Variants in DAB2IP observed in about 807,000 individuals in gnomAD.
DAB2IP encodes disabled homolog 2-interacting protein.
Under a neutral mutation model 107.2 loss-of-function variants are expected in DAB2IP, and 28 were observed. The ratio of observed to expected loss-of-function variants is 0.26; its 90% CI spans 0.19 to 0.36. The LOEUF (loss-of-function observed/expected upper bound fraction) is 0.36, where lower values mean the gene tolerates loss of function less well. Among genes scored for constraint, DAB2IP ranks in the 10% least tolerant of loss-of-function variants. DAB2IP has a pLI of 1.00. For missense variants in DAB2IP, 1,400 were observed against 1,644.7 expected (o/e 0.85, Z 2.57); for synonymous variants, 755 against 706.4 (o/e 1.07, Z -1.09).
At chr9:121,677,441 G>A (rs755061778) in intron 1 of DAB2IP, among the ~76,000 whole-genome samples, 9 of 152,232 alleles carry the variant, frequency 5.9e-5, no homozygotes, top group East Asian at 1.9e-4. Context: ...AGGATTGCTC[G>A]AGCCTAGGAG....
At position 121,604,449 on chromosome 9, in the gene DAB2IP, C is replaced by G. The variant is rs552661308; in HGVS notation, c.40+37221C>G. 5.9e-5 allele frequency among the ~76,000 whole-genome samples: 9 copies of G among 152,350 alleles called. No homozygotes were observed. The South Asian group carries it at 1.5e-3, about 25-fold the overall frequency. On this transcript the variant is annotated intron_variant, in intron 1 of 16. Transcript: ENST00000259371. ...CATGTGAGTGACTTCCTGTTAACCA[C>G]GAGATCAAAGCCAAGCTCCCTGGCC...
rs942542332 is a variant in DAB2IP, at chr9:121,735,845, G to A, written c.363-21168G>A. On this transcript the variant is annotated intron_variant, in intron 3 of 15. Transcript: ENST00000408936. ...CTTTCCCCTAGGGGTTTTTGTTTCCGTGTTTAAATGACCCAAGGATGAATC... is the reference window on the plus strand; with the variant it reads ...CTTTCCCCTAGGGGTTTTTGTTTCCATGTTTAAATGACCCAAGGATGAATC... 7.2e-5 allele frequency among the ~76,000 whole-genome samples: 11 copies of A among 152,204 alleles called. No individual in the cohort carries two copies. The East Asian group carries it at 1.9e-3, about 27-fold the overall frequency.
intron 3 of DAB2IP, among the ~76,000 whole-genome samples, chr9:121,720,092 C>T (rs542432761): frequency 6.1e-4 from 93 of 152,354 alleles, no homozygotes; most frequent in Admixed American, 2.2e-3. Flanking sequence ...AGGCAGCCTA[C>T]AGCTGGGCAG....
chr9:121,783,383 A>T, exon 16 of DAB2IP: 1 of 1,543,756 alleles, frequency 6.5e-7, no homozygotes, highest in South Asian at 1.2e-5. Context: ...GGGGCCCAGC[A>T]CACCCAGGGC....
At chr9:121,689,190 A>C (rs572883879) in intron 2 of DAB2IP, among the ~76,000 whole-genome samples, 7 of 151,962 alleles carry the variant, frequency 4.6e-5, no homozygotes, top group African/African-American at 1.7e-4. Context: ...GCTACTATGG[A>C]GGCTGAGGCA....
chr9:121,750,376 TTG>T (rs1833029576), intron 3 of DAB2IP, among the ~76,000 whole-genome samples: 1 of 152,264 alleles, frequency 6.6e-6, no homozygotes, highest in Admixed American at 6.5e-5. Flanking sequence ...CTGCCTGCCT[TTG>T]TGTACTGCCC....
intron 2 of DAB2IP, among the ~76,000 whole-genome samples, chr9:121,685,386 A>G (rs985718350): frequency 2.1e-4 from 32 of 152,162 alleles, no homozygotes; most frequent in African/African-American, 7.2e-4. Context: ...AGCCTCCTGA[A>G]TCCAAGACCA....
At chr9:121,677,148 G>C (rs1483521703) in intron 1 of DAB2IP, among the ~76,000 whole-genome samples, 1 of 152,184 alleles carries the variant, frequency 6.6e-6, no homozygotes, top group Non-Finnish European at 1.5e-5. Context: ...TGGATTTCCT[G>C]CTGGCCTCTG....
rs1461159776 is a variant in DAB2IP at position 121,782,554 on chromosome 9, G to T, written c.*56G>T. 1.9e-6 allele frequency: 3 copies of T among 1,589,652 alleles called. No individual in the cohort carries two copies. The highest frequency in any genetic ancestry group is 1.7e-5 in the Admixed American group (1 of 59,176). On this transcript the variant is annotated 3_prime_UTR_variant, in exon 16 of 16. Transcript: ENST00000408936. This position sits in a 1 kb window ranked among gnomAD's most constrained non-coding sequence, Gnocchi z 6.1. Reference sequence around the variant, plus strand: ...GAGAGGGGGACTATGGTGGCCAAGGGCAGGGTCTCGGCCTGGGGAGGCACC... The same window carrying T: ...GAGAGGGGGACTATGGTGGCCAAGGTCAGGGTCTCGGCCTGGGGAGGCACC...
rs535606539 is a variant in DAB2IP, at chr9:121,619,020, C to T, written c.40+51792C>T. Among the ~76,000 whole-genome samples, 21 of 152,274 alleles carry T rather than the reference C, an allele frequency of 1.4e-4. No homozygotes were observed. The East Asian group carries it at 1.7e-3, about 13-fold the overall frequency. The stretch of plus-strand genomic sequence containing the variant: ...TATGTGGTTGGGAGCCCTTTCTGAC[C>T]GGCTGTGATTCCATCCTAAGGACTG... On this transcript the variant is annotated intron_variant, in intron 1 of 16. Coordinates refer to the DAB2IP transcript ENST00000259371.
intron 3 of DAB2IP, among the ~76,000 whole-genome samples, chr9:121,706,569 C>G (rs765697929): frequency 2.6e-5 from 4 of 152,156 alleles, no homozygotes; most frequent in African/African-American, 9.7e-5. Flanking sequence ...ATGGGCAAGC[C>G]GTGGTTCCTC....
At position 121,760,372 on chromosome 9, in the gene DAB2IP, G is replaced by C. The variant is rs1833802345; in HGVS notation, c.1103G>C (p.Ser368Thr). The C allele has an allele frequency of 6.2e-7, 1 of 1,611,622 alleles. No homozygotes were observed. Among genetic ancestry groups the C allele is most frequent in the East Asian group, 2.2e-5 (1 of 44,848 alleles). The change falls in exon 6 of 16, where the codon AGT becomes ACT. Residue 368 changes from serine (S) to threonine (T), a missense_variant. Physicochemically the swap from Ser to Thr is moderately conservative, Grantham distance 58. This residue lies in a region of DAB2IP where 517 missense variants were observed against 748.6 expected (regional missense o/e 0.69). Coordinates refer to ENST00000408936, the Ensembl canonical transcript of DAB2IP. This position sits in a 1 kb window ranked among gnomAD's most constrained non-coding sequence, Gnocchi z 5.9. ...TGTGCAGCCCTCGAGCCCATCCTCA[G>C]TGCCAAGACCAAGGAGGAGATGGCA... is the stretch of plus-strand genomic sequence containing the variant.
chr9:121,580,682 T>A (rs1830171558), intron 1 of DAB2IP, among the ~76,000 whole-genome samples: 1 of 152,014 alleles, frequency 6.6e-6, no homozygotes, highest in South Asian at 2.1e-4. Flanking sequence ...TGGAGTCCAG[T>A]GGCGCAATCT....
chr9:121,642,029 C>CTCTCTTTCTTTCTTTCTTTCTTTCTT (rs1392950950), intron 1 of DAB2IP, among the ~76,000 whole-genome samples: 20 of 26,654 alleles, frequency 7.5e-4, no homozygotes, highest in South Asian at 1.6e-3. Context: ...CTCTCTCTCT[C>CTCTCTTTCTTTCTTTCTTTCTTTCTT]TCTTTCTTTC....
chr9:121,770,395 C>A (rs545289205), intron 10 of DAB2IP, 151 bp from the exon 11 acceptor site: 3 of 825,936 alleles, frequency 3.6e-6, no homozygotes, highest in East Asian at 2.7e-5. Context: ...GCTCACCCCC[C>A]TCCCAGACCC....
chr9:121,641,367 C>G (rs181658118), intron 1 of DAB2IP, among the ~76,000 whole-genome samples: 1 of 152,294 alleles, frequency 6.6e-6, no homozygotes, highest in East Asian at 1.9e-4. Flanking sequence ...TCAGGAAAGG[C>G]CAGTAAATGT....
chr9:121,735,293 G>T (rs1332689114), intron 3 of DAB2IP, among the ~76,000 whole-genome samples: 1 of 152,180 alleles, frequency 6.6e-6, no homozygotes, highest in East Asian at 1.9e-4. Context: ...TGAGCCTGGA[G>T]CCTAGGGCCC....
At chr9:121,757,695 G>A (rs979297049) in intron 4 of DAB2IP, among the ~76,000 whole-genome samples, 1 of 152,208 alleles carries the variant, frequency 6.6e-6, no homozygotes, top group African/African-American at 2.4e-5. Context: ...GAGGCCCAGA[G>A]AAGGCACAAA....
intron 3 of DAB2IP, among the ~76,000 whole-genome samples, chr9:121,727,782 C>T (rs1391306907): frequency 2.0e-5 from 3 of 152,234 alleles, no homozygotes; most frequent in African/African-American, 7.2e-5. Flanking sequence ...AGCTGCTTGC[C>T]TCTCTCTTGG....
Sources: allele counts gnomAD v4.1 joint callset (sites outside exome capture counted in the v4.1 genomes callset), GRCh38; gene constraint gnomAD v4.1.1; regional missense constraint gnomAD v4.1.1; non-coding constraint Gnocchi (gnomAD v3.1); transcripts MANE v1.5; gene names NCBI Gene and HGNC (gene_info 2026-07-23, HGNC 2026-07-21).